SLC4A8: variants seen among roughly 807,000 people sequenced by gnomAD.
The protein encoded by SLC4A8 is solute carrier family 4 member 8.
SLC4A8 carries 40 observed loss-of-function variants against 125.0 expected under a neutral mutation model. The ratio of observed to expected loss-of-function variants is 0.32; its 90% CI spans 0.25 to 0.42. SLC4A8 has a LOEUF of 0.42. Ranked by LOEUF, SLC4A8 falls within the 10% of genes least tolerant of loss-of-function variation. SLC4A8 has a pLI of 1.00. For missense variants in SLC4A8, 863 were observed against 1,355.1 expected (o/e 0.64, Z 5.70); for synonymous variants, 456 against 476.0 (o/e 0.96, Z 0.55).
At chr12:51,471,721 G>C in intron 14 of SLC4A8, 189 bp downstream of exon 14, 1 of 617,846 alleles carries the variant, frequency 1.6e-6, no homozygotes. Context: ...TGTTGACAGA[G>C]AAGATCGACT....
At position 51,396,080 on chromosome 12, in the gene SLC4A8, G is replaced by T. The variant is rs1948255110; in HGVS notation, c.-112+4592G>T. 4.6e-5 allele frequency among the ~76,000 whole-genome samples: 7 copies of T among 152,308 alleles called. No individual in the cohort carries two copies. The South Asian group carries it at 1.4e-3, about 32-fold the overall frequency. On this transcript the variant is annotated intron_variant, in intron 1 of 24. Transcript: ENST00000358657. ...TCTGTGTGCCTCAATTTCCTCATCT[G>T]TAAAATGGATATGTTATTTTTATGA...
intron 16 of SLC4A8, among the ~76,000 whole-genome samples, chr12:51,484,326 A>G (rs1951107755): frequency 6.6e-6 from 1 of 152,220 alleles, no homozygotes; most frequent in Non-Finnish European, 1.5e-5. Context: ...GAGGTGCAAC[A>G]GAAACTTAAA....
Position 51,462,304 on chromosome 12 carries a change from CTG to C in SLC4A8, c.1102-4_1102-3del, listed in dbSNP as rs774183373. On this transcript the variant is annotated splice_region_variant and splice_polypyrimidine_tract_variant and intron_variant, in intron 9 of 24. Coordinates refer to ENST00000453097, the MANE Select transcript of SLC4A8 (RefSeq NM_001039960.3). Reference sequence around the variant, plus strand: ...AACTTTCCTGAGGGTTTTCTCTTCTCTGTAGATTTTTCATGACGTAGCATATA... The same window carrying C: ...AACTTTCCTGAGGGTTTTCTCTTCTCTAGATTTTTCATGACGTAGCATATA... 9.5e-5 allele frequency: 154 copies of C among 1,613,540 alleles called. No individual in the cohort carries two copies. The highest frequency in any genetic ancestry group is 1.3e-4 in the Non-Finnish European group (152 of 1,179,682).
At position 51,453,776 on chromosome 12, in the gene SLC4A8, C is replaced by A. The variant is rs151021709; in HGVS notation, c.574+77C>A. On this transcript the variant is annotated intron_variant, in intron 5 of 24. Coordinates refer to ENST00000453097, the MANE Select transcript of SLC4A8 (RefSeq NM_001039960.3). The stretch of plus-strand genomic sequence containing the variant: ...GTGGGAAAAAAGGAGTGTGGCGTGA[C>A]AGAAAGAATACAGTGGGTTGTGTGT... The A allele has an allele frequency of 4.5e-4, 610 of 1,356,720 alleles. 2 individuals are homozygous for A. In the African/African-American group the frequency reaches 8.0e-3, roughly 18 times the overall value. The allele number at this position is 1,356,720 out of a possible 1,614,324, so 84.0% of individuals were successfully genotyped here. A position where few individuals can be genotyped will look rare whatever the true frequency, so the allele number is the denominator to read the frequency against.
chr12:51,456,327 G>T (rs1950149367), intron 5 of SLC4A8, among the ~76,000 whole-genome samples: 1 of 152,082 alleles, frequency 6.6e-6, no homozygotes, highest in African/African-American at 2.4e-5. Context: ...TCTTCAGCTT[G>T]AATATTAAAT....
At chr12:51,407,444 T>G (rs1208250599) in intron 1 of SLC4A8, among the ~76,000 whole-genome samples, 1 of 151,906 alleles carries the variant, frequency 6.6e-6, no homozygotes, top group East Asian at 1.9e-4. Flanking sequence ...ATTTTTTTTT[T>G]TTTTGGTAGA....
chr12:51,477,457 A>G (rs897220681), intron 16 of SLC4A8, among the ~76,000 whole-genome samples: 1 of 152,196 alleles, frequency 6.6e-6, no homozygotes, highest in Admixed American at 6.5e-5. Context: ...TTATCCCTTT[A>G]AGTGCTGTCA....
At chr12:51,495,197 C>T in intron 21 of SLC4A8, 79 bp downstream of exon 21, 1 of 1,283,168 alleles carries the variant, frequency 7.8e-7, no homozygotes, top group Non-Finnish European at 1.1e-6. Context: ...TTAAAATTTA[C>T]CATTTTTAAG....
chr12:51,474,414 A>G lies in SLC4A8; in HGVS notation c.1977A>G (p.Thr659=), dbSNP rs1256766877. The G allele has an allele frequency of 6.2e-7, 1 of 1,613,796 alleles. No individual in the cohort carries two copies. The highest frequency in any genetic ancestry group is 1.1e-5 in the South Asian group (1 of 91,034). The change falls in exon 15 of 25, where the codon ACA becomes ACG. Residue 659 remains threonine, a synonymous_variant. Coordinates refer to ENST00000453097, the MANE Select transcript of SLC4A8 (RefSeq NM_001039960.3). The part of the protein sequence containing the change: ...LQYWKDHNIV[T]AEVHWANLTV... The stretch of plus-strand genomic sequence containing the variant: ...ACTGGAAGGACCACAACATCGTGAC[A>G]GCAGAAGTCCACTGGGCTAACCTGA...
chr12:51,435,572 A>G (rs1949379518), intron 1 of SLC4A8, among the ~76,000 whole-genome samples: 1 of 152,174 alleles, frequency 6.6e-6, no homozygotes, highest in Non-Finnish European at 1.5e-5. Flanking sequence ...AGCCTGGGCA[A>G]CATAGTGAGA....
In SLC4A8 at chr12:51,430,670, C is replaced by A. The variant is rs117303649; in HGVS notation, c.48+5635C>A. 7.6e-4 allele frequency among the ~76,000 whole-genome samples: 115 copies of A among 152,202 alleles called. 3 individuals carry two copies. In the East Asian group the frequency reaches 0.021, roughly 28 times the overall value. ...GACAATTCGGACTGCAAATTTACTTCCTTCAAAATCTGTAGATAATCGTCT... is the reference window on the plus strand; with the variant it reads ...GACAATTCGGACTGCAAATTTACTTACTTCAAAATCTGTAGATAATCGTCT... On this transcript the variant is annotated intron_variant, in intron 1 of 24. Coordinates refer to ENST00000453097, the MANE Select transcript of SLC4A8 (RefSeq NM_001039960.3).
In SLC4A8 at chr12:51,511,391, T is replaced by A. The variant is rs1938360804; in HGVS notation, c.*3953T>A. 3.3e-5 allele frequency: 5 copies of A among 152,234 alleles called. No homozygotes were observed. In the South Asian group the frequency reaches 1.0e-3, roughly 32 times the overall value. The allele number at this position is 152,234 out of a possible 1,614,324, so 9.4% of individuals were successfully genotyped here. On this transcript the variant is annotated 3_prime_UTR_variant, in exon 25 of 25. Transcript: ENST00000453097. ...TGGAATCAAAATGAGTGTGGAGTCA[T>A]AATATATATTTTTTTTGAGACAAAG...
At chr12:51,424,289 C>T (rs957345326), upstream of SLC4A8, among the ~76,000 whole-genome samples, 1 of 152,002 alleles carries the variant, frequency 6.6e-6, no homozygotes, top group Non-Finnish European at 1.5e-5. Flanking sequence ...GGAATTGCTT[C>T]AACAGTCATC....
At chr12:51,499,829 C>A (rs1308140175) in intron 22 of SLC4A8, among the ~76,000 whole-genome samples, 1 of 151,896 alleles carries the variant, frequency 6.6e-6, no homozygotes, top group Non-Finnish European at 1.5e-5. Flanking sequence ...GGCAGGGGTA[C>A]AGAAAATGCA....
At chr12:51,422,637 A>G (rs1483839993), upstream of SLC4A8, among the ~76,000 whole-genome samples, 3 of 152,144 alleles carry the variant, frequency 2.0e-5, no homozygotes, top group Admixed American at 6.5e-5. Context: ...TGGGATTACA[A>G]GTGTGAGCCA....
chr12:51,442,831 C>T (rs1949644947), intron 2 of SLC4A8, among the ~76,000 whole-genome samples: 1 of 152,134 alleles, frequency 6.6e-6, no homozygotes, highest in Non-Finnish European at 1.5e-5. Context: ...CAGACTCACT[C>T]CGAAGGGCAG....
intron 1 of SLC4A8, among the ~76,000 whole-genome samples, chr12:51,398,725 TA>T (rs1277517698): frequency 6.6e-6 from 1 of 152,106 alleles, no homozygotes; most frequent in African/African-American, 2.4e-5. Flanking sequence ...TATCTTCCCC[TA>T]AAAAAAGAGA....
chr12:51,425,745 T>C (rs1948949898), intron 1 of SLC4A8, among the ~76,000 whole-genome samples: 1 of 152,226 alleles, frequency 6.6e-6, no homozygotes, highest in East Asian at 1.9e-4. Context: ...TTTGAAATCC[T>C]ACCTCTGCCT....
At chr12:51,410,876 CT>C (rs58043742) in intron 1 of SLC4A8, among the ~76,000 whole-genome samples, 56,042 of 116,852 alleles carry the variant, frequency 0.48, 10,913 homozygotes, top group East Asian at 0.67. Flanking sequence ...CTTTTCTTTT[CT>C]TTTTTTTTTT....
Sources: allele counts gnomAD v4.1 joint callset (sites outside exome capture counted in the v4.1 genomes callset), GRCh38; gene constraint gnomAD v4.1.1; transcripts MANE v1.5; gene names NCBI Gene and HGNC (gene_info 2026-07-23, HGNC 2026-07-21).